HM13: variants seen among roughly 807,000 people sequenced by gnomAD.
HM13 encodes signal peptide peptidase.
Under a neutral mutation model 50.0 loss-of-function variants are expected in HM13, and 18 were observed. That is an observed-to-expected ratio of 0.36 (90% confidence interval 0.25 to 0.53). HM13 has a LOEUF of 0.53. HM13 is among the 20% of genes least tolerant of loss of function. The pLI is 0.90. For synonymous variants in HM13, 197 were observed against 232.6 expected (o/e 0.85, Z 1.39); for missense variants, 393 against 552.4 (o/e 0.71, Z 2.89).
intron 2 of HM13, among the ~76,000 whole-genome samples, chr20:31,529,512 T>C (rs1189857223): frequency 3.3e-5 from 5 of 152,210 alleles, no homozygotes; most frequent in African/African-American, 1.2e-4. Context: ...TGTAAAGTGC[T>C]GGTATTACAA....
At chr20:31,550,011 T>C in intron 6 of HM13, 53 bp from the exon 7 acceptor site, 1 of 1,336,508 alleles carries the variant, frequency 7.5e-7, no homozygotes, top group Non-Finnish European at 1.1e-6. Flanking sequence ...CAGCCATTCT[T>C]CCCCCCACAG....
At chr20:31,551,730 C>T (rs1349034799) in intron 7 of HM13, among the ~76,000 whole-genome samples, 3 of 152,124 alleles carry the variant, frequency 2.0e-5, no homozygotes, top group Non-Finnish European at 4.4e-5. Context: ...GACAGGCAGT[C>T]GTTGGGGGAG....
At chr20:31,546,212 G>C (rs986893781) in intron 4 of HM13, among the ~76,000 whole-genome samples, 1 of 151,794 alleles carries the variant, frequency 6.6e-6, no homozygotes, top group Non-Finnish European at 1.5e-5. Context: ...ACTACGCCCG[G>C]CTAATTTTTT....
chr20:31,533,616 C>A (rs948314301), intron 2 of HM13, among the ~76,000 whole-genome samples: 17 of 152,340 alleles, frequency 1.1e-4, no homozygotes, highest in African/African-American at 4.1e-4. Flanking sequence ...AAGGCTGGTC[C>A]CTGCGACAAG....
At chr20:31,539,336 G>A (rs1189152331) in intron 3 of HM13, 1 of 985,328 alleles carries the variant, frequency 1.0e-6, no homozygotes, top group Non-Finnish European at 1.2e-6. Context: ...GAGAAACACT[G>A]ATAGACCAAG....
At chr20:31,538,376 T>C in intron 3 of HM13, 115 bp downstream of exon 3, 1 of 1,586,714 alleles carries the variant, frequency 6.3e-7, no homozygotes, top group African/African-American at 1.3e-5. Context: ...ATCCTGGCTA[T>C]AAAACTCAAG....
At chr20:31,539,459 G>A (rs1600640453) in intron 3 of HM13, 3 of 985,504 alleles carry the variant, frequency 3.0e-6, no homozygotes, top group Non-Finnish European at 3.6e-6. Context: ...TAGAAAGTTT[G>A]TGCACATTGA....
At chr20:31,555,324 G>C (rs1246655667) in intron 8 of HM13, among the ~76,000 whole-genome samples, 11 of 152,238 alleles carry the variant, frequency 7.2e-5, no homozygotes, top group African/African-American at 2.7e-4. Flanking sequence ...GCTCCTGTCT[G>C]CACTCTCAGC....
intron 3 of HM13, among the ~76,000 whole-genome samples, chr20:31,542,487 T>A (rs1413501569): frequency 1.3e-5 from 2 of 152,170 alleles, no homozygotes; most frequent in African/African-American, 2.4e-5. Flanking sequence ...ACGTTTGACA[T>A]GAGCCATCAA....
At chr20:31,546,736 C>G (rs1983743072) in intron 4 of HM13, among the ~76,000 whole-genome samples, 1 of 145,264 alleles carries the variant, frequency 6.9e-6, no homozygotes, top group Non-Finnish European at 1.5e-5. Flanking sequence ...GCCAGGGCGA[C>G]AGAGTGAGAC....
At chr20:31,552,924 AAG>A (rs1158194441) in intron 7 of HM13, among the ~76,000 whole-genome samples, 1 of 151,898 alleles carries the variant, frequency 6.6e-6, no homozygotes, top group East Asian at 1.9e-4. Context: ...GCAGTGAGCC[AAG>A]ATCACACCAC....
At chr20:31,562,721 T>G (rs1984687300) in intron 10 of HM13, 1 of 152,214 alleles carries the variant, frequency 6.6e-6, no homozygotes, top group South Asian at 2.1e-4. Context: ...TAAACTCTTT[T>G]GCTAATAACT....
intron 7 of HM13, among the ~76,000 whole-genome samples, chr20:31,553,851 C>G (rs1984157685): frequency 1.3e-5 from 2 of 151,994 alleles, no homozygotes; most frequent in African/African-American, 4.8e-5. Context: ...CCGGGCTCAC[C>G]CTGCTTCAGA....
chr20:31,534,562 C>T (rs1385768835), intron 2 of HM13, among the ~76,000 whole-genome samples: 2 of 149,038 alleles, frequency 1.3e-5, no homozygotes, highest in Non-Finnish European at 3.0e-5. Flanking sequence ...GGCAGCAGAT[C>T]GTTTGAGCCC....
chr20:31,548,378 A>C, intron 4 of HM13: 1 of 214,634 alleles, frequency 4.7e-6, no homozygotes, highest in Non-Finnish European at 9.3e-6. Context: ...TGTCTACCAC[A>C]GGGCCCCCCA....
At chr20:31,533,943 G>A (rs4321436) in intron 2 of HM13, among the ~76,000 whole-genome samples, 3 of 152,234 alleles carry the variant, frequency 2.0e-5, no homozygotes, top group South Asian at 4.1e-4. Flanking sequence ...GCAGTGGTGC[G>A]ATTGTAGTTC....
intron 1 of HM13, among the ~76,000 whole-genome samples, chr20:31,524,799 C>T (rs1399957709): frequency 3.3e-5 from 5 of 150,820 alleles, no homozygotes; most frequent in East Asian, 2.0e-4. Flanking sequence ...CTGCACGCTC[C>T]GCCTCCCGGG....
Position 31,549,240 on chromosome 20 carries a change from T to G in HM13, c.574T>G (p.Phe192Val). The G allele has an allele frequency of 1.2e-6, 2 of 1,614,214 alleles. No homozygotes were observed. Among genetic ancestry groups the G allele is most frequent in the Non-Finnish European group, 1.7e-6 (2 of 1,180,046 alleles). Residue 192 changes from phenylalanine (F) to valine (V), a missense_variant, in exon 6 of 13, where the codon TTC becomes GTC. By Grantham distance (50) the Phe-to-Val change is conservative. Transcript: ENST00000398174. ...WIANNLFGLA[F>V]SLNGVELLHL... The stretch of plus-strand genomic sequence containing the variant: ...TGCCAACAACCTTTTTGGCCTGGCC[T>G]TCTCCCTTAATGGAGTAGAGCTCCT...
chr20:31,545,028 C>T lies in HM13; in HGVS notation c.447C>T (p.Asn149=), dbSNP rs1303713021. The part of the protein sequence containing the change: ...QLLFTQGSGE[N]KEEIINYEFD... Reference sequence around the variant, plus strand: ...TCTTCACACAGGGTTCTGGGGAAAACAAGGAAGGTCAGTGCTAACCACTTT... The same window carrying T: ...TCTTCACACAGGGTTCTGGGGAAAATAAGGAAGGTCAGTGCTAACCACTTT... The change falls in exon 4 of 13, where the codon AAC becomes AAT. Residue 149 remains asparagine (N), a synonymous_variant. Coordinates refer to ENST00000398174, the MANE Select transcript of HM13 (RefSeq NM_178581.3). The T allele has an allele frequency of 6.2e-7, 1 of 1,613,756 alleles. No homozygotes were observed. The highest frequency in any genetic ancestry group is 2.2e-5 in the East Asian group (1 of 44,886).
Sources: allele counts gnomAD v4.1 joint callset (sites outside exome capture counted in the v4.1 genomes callset), GRCh38; gene constraint gnomAD v4.1.1; transcripts MANE v1.5; gene names NCBI Gene and HGNC (gene_info 2026-07-23, HGNC 2026-07-21).